CPLANE1: variants seen among roughly 807,000 people sequenced by gnomAD.
CPLANE1 encodes the protein ciliogenesis and planar polarity effector 1.
CPLANE1 carries 263 observed loss-of-function variants against 362.5 expected under a neutral mutation model. That is an observed-to-expected ratio of 0.73 (90% CI 0.66 to 0.80). The LOEUF (loss-of-function observed/expected upper bound fraction) is 0.80, where lower values mean the gene tolerates loss of function less well. CPLANE1 is among the 30% of genes least tolerant of loss of function. The pLI, the probability that CPLANE1 is intolerant of heterozygous loss-of-function variation, is 0.00. For missense variants in CPLANE1, 3,461 were observed against 3,793.4 expected (o/e 0.91, Z 2.30); for synonymous variants, 1,212 against 1,302.6 (o/e 0.93, Z 1.50).
At chr5:37,173,976 A>G (rs1327694512) in intron 31 of CPLANE1, 29 bp from the exon 32 acceptor site, 1 of 1,568,340 alleles carries the variant, frequency 6.4e-7, no homozygotes, top group African/African-American at 1.4e-5. Flanking sequence ...AATAAAAAAC[A>G]TGCATTAAAA....
intron 46 of CPLANE1, among the ~76,000 whole-genome samples, chr5:37,134,106 T>C (rs1016046259): frequency 4.6e-5 from 7 of 152,238 alleles, no homozygotes; most frequent in African/African-American, 1.7e-4. Flanking sequence ...GCTTTATTTT[T>C]TCCTTGGGTC....
chr5:37,246,636 C>T (rs1301719555), intron 2 of CPLANE1, among the ~76,000 whole-genome samples: 1 of 152,052 alleles, frequency 6.6e-6, no homozygotes, highest in East Asian at 1.9e-4. Flanking sequence ...TTCATATATT[C>T]TAAGGCAGTG....
rs372742239 is a variant in CPLANE1 at position 37,139,325 on chromosome 5, T to G, written c.8663+15A>C. ...ACTTTAAAGAAAATTGTGAATTAAC[T>G]CTTAAGATATTTACCTCTCACACAA... On this transcript the variant is annotated intron_variant, in intron 45 of 52. Transcript: ENST00000651892. The G allele has an allele frequency of 2.2e-5, 30 of 1,348,490 alleles. No individual in the cohort carries two copies. In the African/African-American group the frequency reaches 3.8e-4, roughly 17 times the overall value. 83.5% of individuals were successfully genotyped at this position (1,348,490 alleles called of 1,614,324 possible). A position where few individuals can be genotyped will look rare whatever the true frequency, so the allele number is the denominator to read the frequency against.
rs1009079825 is a variant in CPLANE1 at position 37,249,342 on chromosome 5, C to G, written c.-145G>C. On this transcript the variant is annotated 5_prime_UTR_variant, in exon 1 of 53. Coordinates refer to ENST00000651892, the MANE Select transcript of CPLANE1 (RefSeq NM_001384732.1). ...GCCAGGCCGACAGCTGCGGGCCCTA[C>G]CGCCAGCCCTGACGCGAGCCTGCGT... The G allele has an allele frequency of 1.3e-5, 2 of 152,332 alleles. No individual in the cohort carries two copies. The highest frequency in any genetic ancestry group is 4.8e-5 in the African/African-American group (2 of 41,454). The allele number at this position is 152,332 out of a possible 1,614,324, so 9.4% of individuals were successfully genotyped here.
intron 6 of CPLANE1, among the ~76,000 whole-genome samples, chr5:37,240,431 T>C (rs1041020941): frequency 8.5e-5 from 13 of 152,138 alleles, no homozygotes; most frequent in African/African-American, 2.9e-4. Flanking sequence ...GGCATCAGCA[T>C]CTCCTCGGAT....
chr5:37,169,203 C>A lies in CPLANE1; in HGVS notation c.6821G>T (p.Arg2274Ile). Residue 2274 changes from arginine (R) to isoleucine (I), a missense_variant, in exon 34 of 53, where the codon AGA becomes ATA. This residue lies in a region of CPLANE1 where 3,380 missense variants were observed against 3,666.1 expected (regional missense o/e 0.92). Transcript: ENST00000651892. ...GGATGCTGGAGTAGTTTGTGCTGCT[C>A]TCTGTGGCAGAGCAGGTTGGAAGGA... ...SDSFQPALPQ[R>I]AAQTTPASHL... 6.2e-7 allele frequency: 1 copy of A among 1,614,128 alleles called. No individual in the cohort carries two copies. The highest frequency in any genetic ancestry group is 1.1e-5 in the South Asian group (1 of 91,068).
intron 15 of CPLANE1, among the ~76,000 whole-genome samples, chr5:37,215,633 T>C (rs1329034333): frequency 2.0e-5 from 3 of 151,966 alleles, no homozygotes; most frequent in African/African-American, 7.2e-5. Context: ...GTTCACAACT[T>C]TAAGTTTTAT....
At chr5:37,162,286 CTTAAG>C (rs1777040651) in intron 38 of CPLANE1, among the ~76,000 whole-genome samples, 174 bp downstream of exon 38, 1 of 152,236 alleles carries the variant, frequency 6.6e-6, no homozygotes, top group East Asian at 1.9e-4. Context: ...TTATGTTTTA[CTTAAG>C]TTATCAATTT....
At chr5:37,114,490 A>T (rs1387532747) in intron 51 of CPLANE1, among the ~76,000 whole-genome samples, 1 of 152,246 alleles carries the variant, frequency 6.6e-6, no homozygotes, top group Non-Finnish European at 1.5e-5. Flanking sequence ...GTAAGTGGTT[A>T]ACTTGATTCC....
At chr5:37,105,611 T>G (rs1757532578), downstream of CPLANE1, among the ~76,000 whole-genome samples, 1 of 152,140 alleles carries the variant, frequency 6.6e-6, no homozygotes, top group Admixed American at 6.5e-5. Flanking sequence ...AGGCAGAGAT[T>G]TTTTCTGAGT....
intron 46 of CPLANE1, among the ~76,000 whole-genome samples, chr5:37,132,337 G>GTTTTTTTTTTTTTTTTTTTTTTTTTT (rs70976278): frequency 1.3e-5 from 1 of 77,778 alleles, no homozygotes; most frequent in Non-Finnish European, 2.4e-5. Context: ...GATTGTTCAA[G>GTTTTTTTTTTTTTTTTTTTTTTTTTT]TTTTTTTTTT....
At chr5:37,124,996 G>T in intron 47 of CPLANE1, 2 of 1,253,328 alleles carry the variant, frequency 1.6e-6, no homozygotes, top group African/African-American at 1.6e-5. Flanking sequence ...TTGTTAAAAT[G>T]CTATAGCCAT....
At position 37,230,877 on chromosome 5, in the gene CPLANE1, T is replaced by C. The variant is rs1797590394; in HGVS notation, c.1111A>G (p.Ile371Val). 2 of 1,531,114 alleles carry C rather than the reference T, an allele frequency of 1.3e-6. No individual in the cohort carries two copies. Among genetic ancestry groups the C allele is most frequent in the East Asian group, 2.5e-5 (1 of 40,304 alleles). 94.8% of individuals were successfully genotyped at this position (1,531,114 alleles called of 1,614,324 possible). Residue 371 changes from isoleucine to valine, a missense_variant, in exon 9 of 53, where the codon ATA becomes GTA. This residue lies in a region of CPLANE1 where 3,380 missense variants were observed against 3,666.1 expected (regional missense o/e 0.92). Coordinates refer to ENST00000651892, the MANE Select transcript of CPLANE1 (RefSeq NM_001384732.1). ...PAEFIPLHPL[I>V]TYRPQQFTFQ... is the part of the protein sequence containing the mutation. ...ATTCAAATGTCTCACCTATACGTTA[T>C]TAGTGGATGAAGAGGAATAAATTCT...
chr5:37,083,724 G>A, the CPLANE1 span, among the ~76,000 whole-genome samples: 1 of 152,034 alleles, frequency 6.6e-6, no homozygotes, highest in African/African-American at 2.4e-5. Flanking sequence ...ATCCAACAAA[G>A]ACAAAGAAAA....
At chr5:37,114,677 A>T (rs1229331335) in intron 51 of CPLANE1, among the ~76,000 whole-genome samples, 1 of 152,146 alleles carries the variant, frequency 6.6e-6, no homozygotes, top group African/African-American at 2.4e-5. Flanking sequence ...AGATGGGCGG[A>T]TCACCTTAGG....
rs185638020 is a variant in CPLANE1 at position 37,233,315 on chromosome 5, T to C, written c.939-2266A>G. On this transcript the variant is annotated intron_variant, in intron 8 of 52. Transcript: ENST00000651892. ...TCCCTATCACCCTGCTGTGGGCTGCTGTTGAGACTGAGATGTGAGCAGGCT... is the reference window on the plus strand; with the variant it reads ...TCCCTATCACCCTGCTGTGGGCTGCCGTTGAGACTGAGATGTGAGCAGGCT... Among the ~76,000 whole-genome samples the C allele has an allele frequency of 8.0e-3, 1,223 of 152,224 alleles. 12 individuals are homozygous for C. Among genetic ancestry groups the C allele is most frequent in the Non-Finnish European group, 0.012 (822 of 68,000 alleles).
chr5:37,093,246 T>C, the CPLANE1 span, among the ~76,000 whole-genome samples: 7 of 152,202 alleles, frequency 4.6e-5, no homozygotes, highest in Non-Finnish European at 1.0e-4. Flanking sequence ...ACTTCTCTTA[T>C]AGCAGGGTAT....
At chr5:37,117,231 C>A (rs924017843) in intron 50 of CPLANE1, among the ~76,000 whole-genome samples, 2 of 151,308 alleles carry the variant, frequency 1.3e-5, no homozygotes, top group South Asian at 4.2e-4. Flanking sequence ...GTTCAATGTT[C>A]GAGTATTTCA....
At chr5:37,186,206 C>T in intron 24 of CPLANE1, 80 bp downstream of exon 24, 1 of 766,914 alleles carries the variant, frequency 1.3e-6, no homozygotes, top group South Asian at 1.6e-5. Context: ...ACATAAGCAA[C>T]AGTAAATAAA....
Sources: allele counts gnomAD v4.1 joint callset (sites outside exome capture counted in the v4.1 genomes callset), GRCh38; gene constraint gnomAD v4.1.1; regional missense constraint gnomAD v4.1.1; transcripts MANE v1.5; gene names NCBI Gene and HGNC (gene_info 2026-07-23, HGNC 2026-07-21).